Variants in EEA1 observed in about 807,000 individuals in gnomAD.
EEA1 encodes the protein early endosome antigen 1.
Under a neutral mutation model 209.2 loss-of-function variants are expected in EEA1, and 111 were observed. The observed-to-expected ratio is 0.53, with a 90% CI of 0.45 to 0.62. The LOEUF (loss-of-function observed/expected upper bound fraction) is 0.62, where lower values mean the gene tolerates loss of function less well. Ranked by LOEUF, EEA1 falls within the 20% of genes least tolerant of loss-of-function variation. The probability of loss-of-function intolerance (pLI) is 0.00; values close to 1 mark genes in which losing one functional copy is unlikely to be tolerated. For synonymous variants in EEA1, 536 were observed against 540.6 expected, an observed-to-expected ratio of 0.99 and a Z score of 0.12; for missense variants, 1,343 against 1,530.8, an observed-to-expected ratio of 0.88 and a Z score of 2.05.
chr12:92,882,355 G>A (rs1479063722), intron 2 of EEA1, among the ~76,000 whole-genome samples: 5 of 151,442 alleles, frequency 3.3e-5, no homozygotes, highest in South Asian at 4.2e-4. Context: ...TGATCTGCCC[G>A]CCTCGGCCTC....
intron 11 of EEA1, 86 bp downstream of exon 11, chr12:92,832,426 G>C: frequency 1.6e-6 from 2 of 1,260,408 alleles, no homozygotes; most frequent in Non-Finnish European, 2.2e-6. Context: ...TTTTCAACAT[G>C]AACTATATTA....
intron 1 of EEA1, among the ~76,000 whole-genome samples, chr12:92,923,493 G>A (rs931306316): frequency 1.3e-5 from 2 of 152,020 alleles, no homozygotes; most frequent in Non-Finnish European, 2.9e-5. Flanking sequence ...TCATGCTCTT[G>A]GATTTGTCTG....
intron 2 of EEA1, among the ~76,000 whole-genome samples, chr12:92,885,297 T>C (rs928879373): frequency 1.3e-5 from 2 of 152,142 alleles, no homozygotes; most frequent in Non-Finnish European, 1.5e-5. Flanking sequence ...CCCTGAATAT[T>C]TCTTTAATGT....
chr12:92,775,770 T>C lies in EEA1; in HGVS notation c.*241A>G. 1 of 346,908 alleles carries C rather than the reference T, an allele frequency of 2.9e-6. No homozygotes were observed. Among genetic ancestry groups the C allele is most frequent in the Non-Finnish European group, 5.2e-6 (1 of 193,498 alleles). 21.5% of individuals were successfully genotyped at this position (346,908 alleles called of 1,614,324 possible). ...TACATTTCATTGGCTAATTCTAAACTTGGCATGAAAGCTATTCCAGGGGCT... is the reference window on the plus strand; with the variant it reads ...TACATTTCATTGGCTAATTCTAAACCTGGCATGAAAGCTATTCCAGGGGCT... On this transcript the variant is annotated 3_prime_UTR_variant, in exon 29 of 29. Transcript: ENST00000322349.
chr12:92,822,169 T>G (rs1876086114), intron 13 of EEA1, among the ~76,000 whole-genome samples: 1 of 151,994 alleles, frequency 6.6e-6, no homozygotes, highest in South Asian at 2.1e-4. Flanking sequence ...ATTCCCTCAG[T>G]TGCCTCTCCC....
At chr12:92,780,039 C>G (rs1047305406) in intron 24 of EEA1, among the ~76,000 whole-genome samples, 1 of 151,962 alleles carries the variant, frequency 6.6e-6, no homozygotes, top group Non-Finnish European at 1.5e-5. Context: ...CAATGAGATC[C>G]AAACTCTTAG....
chr12:92,832,617 C>G lies in EEA1; in HGVS notation c.1149G>C (p.Glu383Asp). Residue 383 changes from glutamate to aspartate, a missense_variant, in exon 11 of 29, where the codon GAG becomes GAC. Glu to Asp is a conservative substitution (Grantham distance 45, BLOSUM62 2). Coordinates refer to ENST00000322349, the MANE Select transcript of EEA1 (RefSeq NM_003566.4). Reference sequence around the variant, plus strand: ...TTAGATGCTGGTACTTGGTCTCTACCTCAGATAATTCTTCTTTGAGCTTTT... The same window carrying G: ...TTAGATGCTGGTACTTGGTCTCTACGTCAGATAATTCTTCTTTGAGCTTTT... ...ATQKLKEELSEVETKYQHLKA... is the reference protein window; with the variant it reads ...ATQKLKEELSDVETKYQHLKA... The G allele has an allele frequency of 1.2e-6, 2 of 1,614,018 alleles. No individual in the cohort carries two copies. Among genetic ancestry groups the G allele is most frequent in the Non-Finnish European group, 1.7e-6 (2 of 1,179,990 alleles).
Position 92,773,973 on chromosome 12 carries a change from A to G in EEA1, c.*2038T>C, listed in dbSNP as rs1873540687. 1 of 149,386 alleles carries G rather than the reference A, an allele frequency of 6.7e-6. No individual in the cohort carries two copies. The allele number at this position is 149,386 out of a possible 1,614,324, so 9.3% of individuals were successfully genotyped here. A position where few individuals can be genotyped will look rare whatever the true frequency, so the allele number is the denominator to read the frequency against. ...TTGGGGGTAAAGGGGAGACAGACAG[A>G]AGGCCTGGAGTGGTGTTCAATTAGG... On this transcript the variant is annotated 3_prime_UTR_variant, in exon 29 of 29. Coordinates refer to ENST00000322349, the MANE Select transcript of EEA1 (RefSeq NM_003566.4).
At chr12:92,829,857 AC>A (rs1305453083) in intron 11 of EEA1, among the ~76,000 whole-genome samples, 2 of 151,490 alleles carry the variant, frequency 1.3e-5, no homozygotes, top group Non-Finnish European at 2.9e-5. Flanking sequence ...TGGTCTTTGC[AC>A]CCGAAGAGTT....
At chr12:92,806,942 A>T (rs1441191075) in intron 18 of EEA1, among the ~76,000 whole-genome samples, 13 of 147,370 alleles carry the variant, frequency 8.8e-5, no homozygotes, top group Admixed American at 2.0e-4. Context: ...TTTTTTAATA[A>T]TTTTTTTTTT....
chr12:92,883,591 G>A (rs1018332520), intron 2 of EEA1, among the ~76,000 whole-genome samples: 6 of 152,068 alleles, frequency 3.9e-5, no homozygotes, highest in Admixed American at 2.6e-4. Flanking sequence ...TTTTTATATG[G>A]TGAAAGGTAG....
intron 1 of EEA1, among the ~76,000 whole-genome samples, chr12:92,899,783 C>T (rs1187750628): frequency 6.6e-6 from 1 of 152,166 alleles, no homozygotes; most frequent in Non-Finnish European, 1.5e-5. Context: ...TTTCTTTGTC[C>T]TTACAATCTT....
chr12:92,816,195 AT>A lies in EEA1; in HGVS notation c.1929+4del. The A allele has an allele frequency of 6.2e-7, 1 of 1,606,368 alleles. No homozygotes were observed. The highest frequency in any genetic ancestry group is 8.5e-7 in the Non-Finnish European group (1 of 1,173,324). ...GCTTTACACAAACATTAAATTTAATATTACCTGTATGTCAAGCTGGGAGACC... is the reference window on the plus strand; with the variant it reads ...GCTTTACACAAACATTAAATTTAATATACCTGTATGTCAAGCTGGGAGACC... On this transcript the variant is annotated splice_donor_region_variant and intron_variant, in intron 15 of 28. Transcript: ENST00000322349.
chr12:92,843,213 A>C (rs1877247408), intron 9 of EEA1, among the ~76,000 whole-genome samples: 1 of 152,124 alleles, frequency 6.6e-6, no homozygotes, highest in South Asian at 2.1e-4. Flanking sequence ...GCTTGAGTGA[A>C]GTGGTACGAT....
intron 2 of EEA1, among the ~76,000 whole-genome samples, 165 bp from the exon 3 acceptor site, chr12:92,865,152 C>G (rs1313688900): frequency 6.6e-6 from 1 of 152,126 alleles, no homozygotes; most frequent in Non-Finnish European, 1.5e-5. Context: ...TGCAAAGATA[C>G]TTCATTGTCT....
At chr12:92,846,400 T>G (rs1877389764) in intron 9 of EEA1, among the ~76,000 whole-genome samples, 1 of 152,196 alleles carries the variant, frequency 6.6e-6, no homozygotes, top group Admixed American at 6.5e-5. Context: ...TCTAGTCTCT[T>G]AAAGAAGCAT....
chr12:92,853,661 T>C (rs376914180), intron 6 of EEA1, among the ~76,000 whole-genome samples: 7 of 152,162 alleles, frequency 4.6e-5, no homozygotes, highest in African/African-American at 1.2e-4. Flanking sequence ...ACAACCATAT[T>C]AATGTAATAT....
chr12:92,906,197 T>C (rs948385307), intron 1 of EEA1, among the ~76,000 whole-genome samples: 16 of 151,804 alleles, frequency 1.1e-4, no homozygotes, highest in African/African-American at 3.6e-4. Flanking sequence ...GTTCAAGATA[T>C]CCTCCCACCT....
chr12:92,884,473 T>C, intron 2 of EEA1: 1 of 1,480,398 alleles, frequency 6.8e-7, no homozygotes, highest in Non-Finnish European at 9.3e-7. Flanking sequence ...GGGATGGCTA[T>C]AATGGATTTG....
Sources: gnomAD v4.1 joint callset for allele counts (sites outside exome capture counted in the v4.1 genomes callset) on GRCh38, gnomAD v4.1.1 for gene constraint, MANE v1.5 for transcripts, NCBI Gene and HGNC (gene_info 2026-07-23, HGNC 2026-07-21) for gene names.